Variants in EXTL3 observed in about 807,000 individuals in gnomAD.
The protein encoded by EXTL3 is exostosin-like 3.
A neutral mutation model predicts 69.3 loss-of-function variants in EXTL3; 27 were observed. The observed-to-expected ratio is 0.39, with a 90% CI of 0.29 to 0.54. The LOEUF (loss-of-function observed/expected upper bound fraction) is 0.54, where lower values mean the gene tolerates loss of function less well. Ranked by LOEUF, EXTL3 falls within the 20% of genes least tolerant of loss-of-function variation. The pLI is 0.69. For missense variants in EXTL3, 1,003 were observed against 1,231.8 expected (o/e 0.81, Z 2.78); for synonymous variants, 511 against 499.4 (o/e 1.02, Z -0.31).
At chr8:28,658,669 C>G (rs766351839) in intron 1 of EXTL3, among the ~76,000 whole-genome samples, 8 of 152,152 alleles carry the variant, frequency 5.3e-5, no homozygotes, top group Admixed American at 1.3e-4. Flanking sequence ...CAACCTCTGC[C>G]TCCTGGGTTC....
intron 1 of EXTL3, among the ~76,000 whole-genome samples, chr8:28,682,788 G>C (rs1442711682): frequency 1.3e-5 from 2 of 152,016 alleles, no homozygotes; most frequent in Non-Finnish European, 2.9e-5. Flanking sequence ...GTCTATTTTT[G>C]CTTTTGTTGC....
At chr8:28,608,858 CAAAACAAAAACA>C (rs370349978) in intron 2 of EXTL3, among the ~76,000 whole-genome samples, 27 of 151,954 alleles carry the variant, frequency 1.8e-4, no homozygotes, top group Admixed American at 3.3e-4. Flanking sequence ...GACTGTGTCT[CAAAACAAAAACA>C]AAAACAAAAA....
chr8:28,632,115 A>AT (rs1806578702), intron 1 of EXTL3, among the ~76,000 whole-genome samples: 1 of 149,580 alleles, frequency 6.7e-6, no homozygotes, highest in African/African-American at 2.5e-5. Flanking sequence ...AAAAAAAAAA[A>AT]TTTATCTTGG....
chr8:28,706,692 G>A (rs1289453745), intron 1 of EXTL3, among the ~76,000 whole-genome samples: 1 of 152,104 alleles, frequency 6.6e-6, no homozygotes. Context: ...TTCTTTGATC[G>A]CTAGGAAGGT....
At chr8:28,747,302 G>GAGT (rs1801907804) in intron 6 of EXTL3, among the ~76,000 whole-genome samples, 1 of 152,224 alleles carries the variant, frequency 6.6e-6, no homozygotes. Context: ...GAGCAGCAGT[G>GAGT]AGTGAGGGGA....
intron 1 of EXTL3, among the ~76,000 whole-genome samples, chr8:28,679,319 G>T (rs771925491): frequency 1.9e-4 from 29 of 152,168 alleles, no homozygotes; most frequent in Non-Finnish European, 3.8e-4. Context: ...GGTGGCGCGT[G>T]CCTGTAGTCC....
At chr8:28,624,746 C>G (rs374739414) in intron 1 of EXTL3, among the ~76,000 whole-genome samples, 3 of 152,058 alleles carry the variant, frequency 2.0e-5, no homozygotes, top group East Asian at 3.8e-4. Context: ...AACTAGAAGG[C>G]ACCATCTGAA....
At chr8:28,735,130 C>T (rs1439262319) in intron 4 of EXTL3, among the ~76,000 whole-genome samples, 1 of 151,856 alleles carries the variant, frequency 6.6e-6, no homozygotes, top group Non-Finnish European at 1.5e-5. Context: ...CTGACTCTCT[C>T]CACTTGTTTT....
At chr8:28,616,637 A>T (rs1381320056) in intron 2 of EXTL3, among the ~76,000 whole-genome samples, 4 of 152,188 alleles carry the variant, frequency 2.6e-5, no homozygotes, top group African/African-American at 7.2e-5. Context: ...AAAAAAAAAA[A>T]AAAGCCAAAA....
At chr8:28,609,230 G>C (rs1004267046) in intron 2 of EXTL3, among the ~76,000 whole-genome samples, 3 of 152,122 alleles carry the variant, frequency 2.0e-5, no homozygotes, top group Non-Finnish European at 4.4e-5. Flanking sequence ...CAGAGCATTT[G>C]TGACTCAGAG....
chr8:28,727,551 C>T (rs909219718), intron 3 of EXTL3, among the ~76,000 whole-genome samples: 11 of 152,194 alleles, frequency 7.2e-5, no homozygotes, highest in Middle Eastern at 3.4e-3. Context: ...TCTTGTTTTT[C>T]GTTTTCAGGT....
intron 2 of EXTL3, among the ~76,000 whole-genome samples, chr8:28,608,919 A>C (rs1378070486): frequency 2.6e-5 from 4 of 152,122 alleles, no homozygotes; most frequent in Non-Finnish European, 5.9e-5. Flanking sequence ...AGAAATAACC[A>C]AGAAAATTAT....
intron 1 of EXTL3, among the ~76,000 whole-genome samples, chr8:28,670,160 G>A (rs1215613343): frequency 7.8e-6 from 1 of 127,948 alleles, no homozygotes; most frequent in Non-Finnish European, 1.5e-5. Context: ...AGTGAGCTGA[G>A]ATTGCACCAC....
chr8:28,681,350 A>C (rs1807484568), intron 1 of EXTL3, among the ~76,000 whole-genome samples: 1 of 151,528 alleles, frequency 6.6e-6, no homozygotes, highest in Admixed American at 6.6e-5. Flanking sequence ...CCCTGTCTCT[A>C]CTAAAAATAG....
chr8:28,639,413 C>G (rs948483724), intron 1 of EXTL3, among the ~76,000 whole-genome samples: 1 of 152,166 alleles, frequency 6.6e-6, no homozygotes, highest in Non-Finnish European at 1.5e-5. Flanking sequence ...CTCTGCAGTC[C>G]GCTTTTCCCG....
chr8:28,631,053 T>C (rs1806564199), intron 1 of EXTL3, among the ~76,000 whole-genome samples: 1 of 152,058 alleles, frequency 6.6e-6, no homozygotes, highest in Non-Finnish European at 1.5e-5. Context: ...TTAAGTTTCT[T>C]AGAAGCCACG....
chr8:28,737,459 C>T, intron 4 of EXTL3, 60 bp from the exon 5 acceptor site: 1 of 1,592,200 alleles, frequency 6.3e-7, no homozygotes, highest in Non-Finnish European at 8.6e-7. Flanking sequence ...TAACTGTGAA[C>T]ACTTCTGATG....
chr8:28,691,321 G>A (rs762033600), intron 1 of EXTL3, among the ~76,000 whole-genome samples: 29 of 152,190 alleles, frequency 1.9e-4, no homozygotes, highest in Non-Finnish European at 3.5e-4. Context: ...GCATTTAACT[G>A]TGGACTGATG....
chr8:28,726,668 G>A (rs1306087347), intron 3 of EXTL3, among the ~76,000 whole-genome samples: 1 of 152,014 alleles, frequency 6.6e-6, no homozygotes, highest in Non-Finnish European at 1.5e-5. Flanking sequence ...GATACTAGAC[G>A]CAAGTAGCGC....
Sources: gnomAD v4.1 joint callset for allele counts (sites outside exome capture counted in the v4.1 genomes callset) on GRCh38, gnomAD v4.1.1 for gene constraint, MANE v1.5 for transcripts, NCBI Gene and HGNC (gene_info 2026-07-23, HGNC 2026-07-21) for gene names.